Variants in SMYD3 observed in about 807,000 individuals in gnomAD.
The protein encoded by SMYD3 is SET and MYND domain containing 3.
A neutral mutation model predicts 57.7 loss-of-function variants in SMYD3; 36 were observed. That is an observed-to-expected ratio of 0.62 (90% CI 0.48 to 0.82). SMYD3 has a LOEUF of 0.82. SMYD3 is among the 40% of genes least tolerant of loss of function. SMYD3 has a pLI of 0.00. For missense variants in SMYD3, 515 were observed against 538.8 expected (o/e 0.96, Z 0.44); for synonymous variants, 211 against 195.0 (o/e 1.08, Z -0.68).
intron 5 of SMYD3, among the ~76,000 whole-genome samples, chr1:246,059,777 T>C (rs573123236): frequency 1.3e-5 from 2 of 152,326 alleles, no homozygotes; most frequent in South Asian, 4.1e-4. Flanking sequence ...AGAAGAAATG[T>C]GCCCCTTGCT....
chr1:246,369,659 T>C (rs997421836), intron 1 of SMYD3, among the ~76,000 whole-genome samples: 5 of 152,104 alleles, frequency 3.3e-5, no homozygotes, highest in African/African-American at 1.2e-4. Context: ...CCCAAGTACC[T>C]GGGACCACAG....
intron 10 of SMYD3, among the ~76,000 whole-genome samples, chr1:245,769,801 G>A (rs983683210): frequency 6.6e-6 from 1 of 152,062 alleles, no homozygotes; most frequent in African/African-American, 2.4e-5. Flanking sequence ...TGCACAAGAC[G>A]TTAGTTCCAG....
At chr1:246,218,119 CA>C (rs1401367610) in intron 5 of SMYD3, among the ~76,000 whole-genome samples, 1 of 150,832 alleles carries the variant, frequency 6.6e-6, no homozygotes, top group African/African-American at 2.4e-5. Flanking sequence ...AATACTAGGT[CA>C]AAAAAAGAAA....
chr1:246,101,112 C>T (rs3738059), intron 5 of SMYD3, among the ~76,000 whole-genome samples: 1 of 109,226 alleles, frequency 9.2e-6, no homozygotes, highest in East Asian at 2.6e-4. Context: ...CAGAGTAAGA[C>T]GCTTATAATA....
chr1:245,884,009 T>C (rs2052937622), intron 8 of SMYD3, among the ~76,000 whole-genome samples: 1 of 152,194 alleles, frequency 6.6e-6, no homozygotes, highest in South Asian at 2.1e-4. Context: ...ATTAAATTTA[T>C]ACAGGGATAT....
At chr1:246,477,867 A>G (rs2068047974) in intron 1 of SMYD3, among the ~76,000 whole-genome samples, 2 of 152,158 alleles carry the variant, frequency 1.3e-5, no homozygotes, top group South Asian at 4.1e-4. Context: ...AAAGAAGCCT[A>G]TAACTCTACT....
chr1:245,801,928 C>A (rs942484920), intron 10 of SMYD3, among the ~76,000 whole-genome samples: 3 of 144,298 alleles, frequency 2.1e-5, no homozygotes, highest in Admixed American at 6.8e-5. Context: ...AAAAAAAAAA[C>A]CTTTGAGTAA....
rs556181243 is a variant in SMYD3 at position 246,203,411 on chromosome 1, T to C, written c.531+123790A>G. 9.2e-5 allele frequency among the ~76,000 whole-genome samples: 14 copies of C among 152,308 alleles called. No homozygotes were observed. In the East Asian group the frequency reaches 2.1e-3, roughly 23 times the overall value. ...GTTCGCTAGAGCTGCCATAACAGAA[T>C]ACTACAGACTGGTGGCTGAAACAAC... On this transcript the variant is annotated intron_variant, in intron 5 of 11. Transcript: ENST00000490107. This position sits in a 1 kb window ranked among gnomAD's most constrained non-coding sequence, Gnocchi z 4.6.
At position 246,095,429 on chromosome 1, in the gene SMYD3, G is replaced by A. The variant is rs142210900; in HGVS notation, c.532-165492C>T. On this transcript the variant is annotated intron_variant, in intron 5 of 11. Transcript: ENST00000490107. ...AACAACACAGCAGAGGAGTCAGCAC[G>A]CAAATGTAATATGCAACGATAAGGT... Among the ~76,000 whole-genome samples, 7 of 152,338 alleles carry A rather than the reference G, an allele frequency of 4.6e-5. No individual in the cohort carries two copies. In the East Asian group the frequency reaches 9.7e-4, roughly 21 times the overall value.
chr1:245,986,148 C>T (rs1008892577), intron 5 of SMYD3, among the ~76,000 whole-genome samples: 5 of 152,192 alleles, frequency 3.3e-5, no homozygotes, highest in Non-Finnish European at 7.3e-5. Context: ...ACTAACATCA[C>T]ATTTATTTCA....
chr1:246,108,238 G>A (rs963402207), intron 5 of SMYD3, among the ~76,000 whole-genome samples: 4 of 152,144 alleles, frequency 2.6e-5, no homozygotes, highest in African/African-American at 9.7e-5. Flanking sequence ...AGAGGCTGTG[G>A]AACAAGAACC....
At chr1:246,441,829 C>G (rs1050928582) in intron 1 of SMYD3, among the ~76,000 whole-genome samples, 5 of 152,210 alleles carry the variant, frequency 3.3e-5, no homozygotes, top group Non-Finnish European at 7.3e-5. Flanking sequence ...CCAGGCTGGT[C>G]TGCAACTCCT....
intron 5 of SMYD3, among the ~76,000 whole-genome samples, chr1:245,992,981 G>A (rs966598269): frequency 8.2e-5 from 12 of 146,708 alleles, no homozygotes; most frequent in African/African-American, 2.4e-4. Context: ...GGGGCCTGGA[G>A]TGGTCATGGA....
At chr1:246,250,568 T>A (rs751845025) in intron 5 of SMYD3, among the ~76,000 whole-genome samples, 42 of 152,210 alleles carry the variant, frequency 2.8e-4, no homozygotes, top group Non-Finnish European at 5.6e-4. Flanking sequence ...AATAGGCTTA[T>A]AACACTGCCA....
chr1:245,805,883 A>T (rs895636757), intron 10 of SMYD3, among the ~76,000 whole-genome samples: 17 of 152,216 alleles, frequency 1.1e-4, no homozygotes, highest in African/African-American at 3.6e-4. Context: ...TGCAGCTTTA[A>T]TATAATTTAT....
intron 10 of SMYD3, among the ~76,000 whole-genome samples, chr1:245,806,768 G>T (rs1441582361): frequency 6.6e-6 from 1 of 151,188 alleles, no homozygotes; most frequent in Non-Finnish European, 1.5e-5. Context: ...AAATTAGCCG[G>T]GCGCGGTGGC....
At chr1:245,869,693 T>C (rs2052071655) in intron 8 of SMYD3, among the ~76,000 whole-genome samples, 1 of 152,058 alleles carries the variant, frequency 6.6e-6, no homozygotes, top group Admixed American at 6.5e-5. Flanking sequence ...ACTCACCCCA[T>C]TCTTTCCCCT....
At chr1:245,969,935 C>T (rs908288356) in intron 5 of SMYD3, among the ~76,000 whole-genome samples, 1 of 152,150 alleles carries the variant, frequency 6.6e-6, no homozygotes, top group African/African-American at 2.4e-5. Flanking sequence ...TCAATGTTGA[C>T]TTTCTTCAGA....
At chr1:245,779,389 A>G (rs1427950645) in intron 10 of SMYD3, among the ~76,000 whole-genome samples, 3 of 152,190 alleles carry the variant, frequency 2.0e-5, no homozygotes, top group Non-Finnish European at 4.4e-5. Context: ...GGAAAAAATG[A>G]TCAACATAAT....
Sources: allele counts gnomAD v4.1 joint callset (sites outside exome capture counted in the v4.1 genomes callset), GRCh38; gene constraint gnomAD v4.1.1; non-coding constraint Gnocchi (gnomAD v3.1); transcripts MANE v1.5; gene names NCBI Gene and HGNC (gene_info 2026-07-23, HGNC 2026-07-21).